USH2A: variants seen among roughly 807,000 people sequenced by gnomAD.
The protein encoded by USH2A is Usher syndrome 2A (autosomal recessive, mild).
USH2A carries 443 observed loss-of-function variants against 538.9 expected under a neutral mutation model. That is an observed-to-expected ratio of 0.82 (90% CI 0.76 to 0.89). The LOEUF is 0.89. Ranked by LOEUF, USH2A falls within the 40% of genes least tolerant of loss-of-function variation. The pLI is 0.00. For synonymous variants in USH2A, 2,413 were observed against 2,273.5 expected (o/e 1.06, Z -1.75); for missense variants, 6,633 against 6,324.8 (o/e 1.05, Z -1.65).
chr1:216,121,945 G>A (rs2033146796), intron 21 of USH2A, among the ~76,000 whole-genome samples: 1 of 152,146 alleles, frequency 6.6e-6, no homozygotes, highest in Non-Finnish European at 1.5e-5. Context: ...AGGCAAGTTT[G>A]TACTAAATCC....
Position 216,199,720 on chromosome 1 carries a change from G to T in USH2A, c.3718C>A (p.Gln1240Lys). 6.2e-7 allele frequency: 1 copy of T among 1,614,062 alleles called. No homozygotes were observed. The highest frequency in any genetic ancestry group is 1.1e-5 in the South Asian group (1 of 91,086). Residue 1240 changes from glutamine to lysine, a missense_variant, in exon 17 of 72, where the codon CAG becomes AAG. Coordinates refer to ENST00000307340, the MANE Select transcript of USH2A (RefSeq NM_206933.4). Reference sequence around the variant, plus strand: ...GGACTTAGTCTTTGGGGAGGGGCCTGGGCTGTGGTCACTGTAATGGGCAAG... The same window carrying T: ...GGACTTAGTCTTTGGGGAGGGGCCTTGGCTGTGGTCACTGTAATGGGCAAG... ...HSLPITVTTAQAPPQRLSPPK... is the reference protein window; with the variant it reads ...HSLPITVTTAKAPPQRLSPPK...
At chr1:216,050,708 C>A (rs2030749465) in intron 30 of USH2A, among the ~76,000 whole-genome samples, 1 of 149,832 alleles carries the variant, frequency 6.7e-6, no homozygotes, top group Non-Finnish European at 1.5e-5. Flanking sequence ...GGGTTGGAGC[C>A]ATTCTCCTGC....
At chr1:215,801,831 G>T (rs1160517475) in intron 49 of USH2A, among the ~76,000 whole-genome samples, 1 of 151,924 alleles carries the variant, frequency 6.6e-6, no homozygotes, top group Admixed American at 6.6e-5. Context: ...CATTGAAAAA[G>T]AACAAAGTTG....
intron 64 of USH2A, among the ~76,000 whole-genome samples, chr1:215,669,222 C>T (rs1657732588): frequency 6.6e-6 from 1 of 152,132 alleles, no homozygotes; most frequent in Admixed American, 6.5e-5. Context: ...CCAGCTCTCT[C>T]ACGAAGGTAC....
At chr1:216,286,838 A>G (rs1307736389) in intron 11 of USH2A, among the ~76,000 whole-genome samples, 1 of 152,220 alleles carries the variant, frequency 6.6e-6, no homozygotes, top group African/African-American at 2.4e-5. Context: ...TACTGTATTT[A>G]CTAGAATACT....
chr1:216,120,524 C>A (rs61826891), intron 21 of USH2A, among the ~76,000 whole-genome samples: 52,880 of 151,168 alleles, frequency 0.35, 10,182 homozygotes, highest in East Asian at 0.72. Context: ...GGACTACAGG[C>A]TCCCGCCACA....
At chr1:215,869,732 A>G (rs907467837) in intron 43 of USH2A, among the ~76,000 whole-genome samples, 2 of 152,230 alleles carry the variant, frequency 1.3e-5, no homozygotes, top group African/African-American at 4.8e-5. Flanking sequence ...CTATTATACA[A>G]TTAATAATCT....
At chr1:215,973,911 A>C (rs1238457310) in intron 35 of USH2A, among the ~76,000 whole-genome samples, 1 of 150,412 alleles carries the variant, frequency 6.6e-6, no homozygotes, top group African/African-American at 2.5e-5. Context: ...GGTGGATGAG[A>C]ATGAAGTCTA....
intron 14 of USH2A, among the ~76,000 whole-genome samples, chr1:216,219,322 T>G (rs539697893): frequency 6.6e-6 from 1 of 152,084 alleles, no homozygotes; most frequent in Non-Finnish European, 1.5e-5. Context: ...TTTTCCTAAA[T>G]GAAGTTCACA....
rs779826128 is a variant in USH2A at position 216,070,174 on chromosome 1, A to G, written c.5976T>C (p.Tyr1992=). 2 of 1,613,910 alleles carry G rather than the reference A, an allele frequency of 1.2e-6. No homozygotes were observed. Among genetic ancestry groups the G allele is most frequent in the Admixed American group, 1.7e-5 (1 of 59,990 alleles). ...GVIEKYILKA[Y]SEDSTRPPRM... is the part of the protein sequence containing the mutation. ...GGGGTGGACGGGTGCTGTCCTCACTATAGGCTTTCAGAATGTACTTCTCAA... is the reference window on the plus strand; with the variant it reads ...GGGGTGGACGGGTGCTGTCCTCACTGTAGGCTTTCAGAATGTACTTCTCAA... The change falls in exon 30 of 72, where the codon TAT becomes TAC. Residue 1992 remains tyrosine, a synonymous_variant. Transcript: ENST00000307340.
At chr1:215,888,197 G>A (rs779767261) in intron 41 of USH2A, among the ~76,000 whole-genome samples, 8 of 152,132 alleles carry the variant, frequency 5.3e-5, no homozygotes, top group Non-Finnish European at 1.2e-4. Context: ...TCAGGTGTGC[G>A]AGGCAAATGG....
chr1:216,352,764 A>C (rs2038310941), intron 4 of USH2A, among the ~76,000 whole-genome samples: 1 of 152,140 alleles, frequency 6.6e-6, no homozygotes, highest in Non-Finnish European at 1.5e-5. Flanking sequence ...CAGATCTATT[A>C]ATAGGTGGTA....
chr1:216,317,361 G>A (rs2037527781), intron 9 of USH2A, among the ~76,000 whole-genome samples: 1 of 152,092 alleles, frequency 6.6e-6, no homozygotes, highest in African/African-American at 2.4e-5. Context: ...ATGGACACAT[G>A]TCGGGGAACA....
chr1:215,782,629 T>C, intron 53 of USH2A, 109 bp downstream of exon 53: 1 of 1,171,154 alleles, frequency 8.5e-7, no homozygotes, highest in Non-Finnish European at 1.2e-6. Flanking sequence ...CGGAACATAC[T>C]TTTCTAGTGG....
chr1:215,692,051 C>G (rs1658631130), intron 61 of USH2A, among the ~76,000 whole-genome samples: 1 of 152,160 alleles, frequency 6.6e-6, no homozygotes, highest in South Asian at 2.1e-4. Context: ...GTGTGTTCTC[C>G]TTGAAACTGA....
rs774473277 is a variant in USH2A, at chr1:216,422,211, G to A, written c.126C>T (p.Asn42=). The part of the protein sequence containing the change: ...ESRGLFPRLE[N]VGAFKKVSIV... ...TGGAAACTTTCTTGAAAGCTCCCACGTTCTCCAGCCTTGGGAAAAGACCTC... is the reference window on the plus strand; with the variant it reads ...TGGAAACTTTCTTGAAAGCTCCCACATTCTCCAGCCTTGGGAAAAGACCTC... Residue 42 remains asparagine (N), a synonymous_variant, in exon 2 of 72, where the codon AAC becomes AAT. Transcript: ENST00000307340. The A allele has an allele frequency of 2.9e-5, 47 of 1,612,190 alleles. No individual in the cohort carries two copies. The highest frequency in any genetic ancestry group is 1.6e-4 in the Middle Eastern group (1 of 6,076).
chr1:215,879,214 C>T (rs536872000), intron 41 of USH2A, 116 bp from the exon 42 acceptor site: 7 of 861,740 alleles, frequency 8.1e-6, no homozygotes, highest in African/African-American at 6.6e-5. Flanking sequence ...TAAATGGCTA[C>T]ATTCTCCTGA....
chr1:215,690,991 C>A (rs1352996872), intron 61 of USH2A, among the ~76,000 whole-genome samples: 1 of 152,138 alleles, frequency 6.6e-6, no homozygotes, highest in African/African-American at 2.4e-5. Context: ...TCAAGCGATT[C>A]TTCTGCCTCA....
In USH2A at chr1:216,264,013, T is replaced by TA. The variant is rs757339176; in HGVS notation, c.1972-12916dup. Among the ~76,000 whole-genome samples the TA allele has an allele frequency of 1.3e-4, 19 of 151,918 alleles. 1 individual carries two copies. Among genetic ancestry groups the TA allele is most frequent in the Admixed American group, 3.9e-4 (6 of 15,262 alleles). On this transcript the variant is annotated intron_variant, in intron 11 of 71. Coordinates refer to ENST00000307340, the MANE Select transcript of USH2A (RefSeq NM_206933.4). ...AAAATGAAATCTCACTTACGATAGC[T>TA]AAAAAAACAAAAATACTGAGGAATA...
Sources: gnomAD v4.1 joint callset for allele counts (sites outside exome capture counted in the v4.1 genomes callset) on GRCh38, gnomAD v4.1.1 for gene constraint, MANE v1.5 for transcripts, NCBI Gene and HGNC (gene_info 2026-07-23, HGNC 2026-07-21) for gene names.